MACF1: variants seen among roughly 807,000 people sequenced by gnomAD.
MACF1 encodes the protein microtubule actin crosslinking factor 1.
In MACF1, 193 loss-of-function variants were observed where a neutral mutation model predicts 854.8. The ratio of observed to expected loss-of-function variants is 0.23; its 90% CI spans 0.20 to 0.25. The LOEUF is 0.25. MACF1 is among the 10% of genes least tolerant of loss of function. The pLI, the probability that MACF1 is intolerant of heterozygous loss-of-function variation, is 1.00. For synonymous variants in MACF1, 3,185 were observed against 3,226.7 expected (o/e 0.99, Z 0.44); for missense variants, 7,722 against 8,929.1 (o/e 0.86, Z 5.45).
chr1:39,356,175 A>G (rs556917505), intron 44 of MACF1, among the ~76,000 whole-genome samples: 3 of 152,304 alleles, frequency 2.0e-5, no homozygotes, highest in Admixed American at 6.5e-5. Context: ...TCCTCAAAGA[A>G]CTCATATTCC....
At chr1:39,231,367 T>C in intron 2 of MACF1, 124 bp downstream of exon 2, 1 of 853,352 alleles carries the variant, frequency 1.2e-6, no homozygotes, top group Non-Finnish European at 1.9e-6. Flanking sequence ...GATACACATG[T>C]GACTTTTCTT....
chr1:39,451,507 A>G (rs1471776071), intron 85 of MACF1, among the ~76,000 whole-genome samples: 1 of 152,140 alleles, frequency 6.6e-6, no homozygotes, highest in Non-Finnish European at 1.5e-5. Context: ...ACGGAAACCC[A>G]TAAGATAGCC....
chr1:39,416,490 AAAG>A (rs1643314724), intron 58 of MACF1, among the ~76,000 whole-genome samples: 1 of 150,464 alleles, frequency 6.6e-6, no homozygotes, highest in Non-Finnish European at 1.5e-5. Flanking sequence ...GAGAAAATAA[AAAG>A]AAAAAAAAAA....
intron 2 of MACF1, chr1:39,103,096 C>T (rs1031740134): frequency 2.4e-5 from 14 of 586,680 alleles, no homozygotes; most frequent in Non-Finnish European, 4.1e-5. Flanking sequence ...GAGAAGCTCT[C>T]TAGCCACAAC....
chr1:39,477,115 A>AGT (rs1644917211), intron 97 of MACF1, among the ~76,000 whole-genome samples: 31 of 63,780 alleles, frequency 4.9e-4, no homozygotes, highest in African/African-American at 1.3e-3. Context: ...ATATACACTT[A>AGT]GTGTATATAT....
At chr1:39,344,765 T>C (rs1647009622) in intron 40 of MACF1, among the ~76,000 whole-genome samples, 2 of 152,214 alleles carry the variant, frequency 1.3e-5, no homozygotes, top group Non-Finnish European at 2.9e-5. Context: ...TCTGCCACTT[T>C]GCCTCTTAGT....
chr1:39,438,734 C>T (rs1338750858), intron 71 of MACF1, among the ~76,000 whole-genome samples: 8 of 151,794 alleles, frequency 5.3e-5, no homozygotes, highest in African/African-American at 1.9e-4. Context: ...GCCAAGATCA[C>T]ACCACTGCAC....
chr1:39,389,182 T>G (rs1641926633), intron 58 of MACF1, among the ~76,000 whole-genome samples: 1 of 151,810 alleles, frequency 6.6e-6, no homozygotes, highest in Non-Finnish European at 1.5e-5. Context: ...AGCCAGAGCA[T>G]TTTTCTATTG....
intron 2 of MACF1, among the ~76,000 whole-genome samples, chr1:39,191,489 G>A (rs748775481): frequency 6.6e-6 from 1 of 152,066 alleles, no homozygotes; most frequent in Admixed American, 6.5e-5. Flanking sequence ...TTCAATTAAT[G>A]TGCCAGTCAC....
At position 39,361,576 on chromosome 1, in the gene MACF1, C is replaced by G; in HGVS notation, c.12670C>G (p.Leu4224Val). 6.2e-7 allele frequency: 1 copy of G among 1,614,146 alleles called. No homozygotes were observed. The highest frequency in any genetic ancestry group is 8.5e-7 in the Non-Finnish European group (1 of 1,180,034). The change falls in exon 49 of 101, where the codon CTC (leucine) becomes GTC (valine). Residue 4224 changes from leucine (L) to valine (V), a missense_variant. Physicochemically the swap from Leu to Val is conservative, Grantham distance 32 (BLOSUM62 1). Coordinates refer to ENST00000564288, the MANE Select transcript of MACF1 (RefSeq NM_001394062.1). The stretch of plus-strand genomic sequence containing the variant: ...ACCCCAGGCAGAGATGTTTGAACAC[C>G]TCTCTGGTAAGCTGCAGCAGTTCAT... ...LLPQAEMFEHLSGKLQQFMEN... is the reference protein window; with the variant it reads ...LLPQAEMFEHVSGKLQQFMEN...
intron 18 of MACF1, 44 bp downstream of exon 18, chr1:39,293,663 C>A: frequency 6.4e-7 from 1 of 1,572,732 alleles, no homozygotes; most frequent in Non-Finnish European, 8.7e-7. Flanking sequence ...TATTTAACAG[C>A]AGCAGAAGGA....
intron 2 of MACF1, among the ~76,000 whole-genome samples, chr1:39,107,728 G>T (rs1025443786): frequency 2.0e-5 from 3 of 152,212 alleles, no homozygotes; most frequent in East Asian, 3.8e-4. Context: ...TGAGGATCAT[G>T]CCACGTATTG....
intron 15 of MACF1, among the ~76,000 whole-genome samples, chr1:39,287,924 A>T (rs1025709133): frequency 2.6e-5 from 4 of 152,174 alleles, no homozygotes; most frequent in Non-Finnish European, 4.4e-5. Flanking sequence ...CAGTTTTCTC[A>T]TTTGAAACCC....
chr1:39,427,314 A>G, intron 61 of MACF1, 141 bp from the exon 62 acceptor site: 1 of 624,526 alleles, frequency 1.6e-6, no homozygotes, highest in Non-Finnish European at 2.7e-6. Flanking sequence ...AAAACATCGA[A>G]ATGCTACATA....
chr1:39,144,948 C>G lies in MACF1; in HGVS notation c.220+60510C>G, dbSNP rs375511916. 2.8e-4 allele frequency among the ~76,000 whole-genome samples: 43 copies of G among 152,288 alleles called. 1 individual carries two copies. In the South Asian group the frequency reaches 8.7e-3, roughly 31 times the overall value. On this transcript the variant is annotated intron_variant, in intron 2 of 93. Transcript: ENST00000361689. ...ACATTAAACCTGTTCTCTGCTGTTT[C>G]CCAGTCTGTCAGCCCCTTTATGGTG... is the stretch of plus-strand genomic sequence containing the variant.
intron 40 of MACF1, among the ~76,000 whole-genome samples, chr1:39,342,252 G>A (rs956010999): frequency 2.0e-5 from 3 of 152,066 alleles, no homozygotes; most frequent in Non-Finnish European, 2.9e-5. Context: ...TGGCTGGATA[G>A]TATTCCATAA....
intron 80 of MACF1, 84 bp from the exon 81 acceptor site, chr1:39,447,348 A>G: frequency 7.8e-7 from 1 of 1,288,692 alleles, no homozygotes; most frequent in Non-Finnish European, 1.1e-6. Context: ...TTTGTTGTAC[A>G]ATTCATGCCT....
Position 39,379,407 on chromosome 1 carries a change from A to C in MACF1, c.13481A>C (p.Lys4494Thr). Residue 4494 changes from lysine (K) to threonine (T), a missense_variant, in exon 54 of 101, where the codon AAG becomes ACG. Lys to Thr is a moderately conservative substitution (Grantham distance 78). This residue lies in a region of MACF1 where 2,807 missense variants were observed against 3,235.8 expected (regional missense o/e 0.87). Coordinates refer to ENST00000564288, the MANE Select transcript of MACF1 (RefSeq NM_001394062.1). ...ATGGATGCCATGTCATCTCCAACCA[A>C]GACAGAAACAGTGAAAGCCCAAGCT... Reference protein sequence around the residue: ...KSMDAMSSPTKTETVKAQAES... With the variant: ...KSMDAMSSPTTTETVKAQAES... 1 of 1,614,090 alleles carries C rather than the reference A, an allele frequency of 6.2e-7. No individual in the cohort carries two copies. The highest frequency in any genetic ancestry group is 8.5e-7 in the Non-Finnish European group (1 of 1,179,994).
chr1:39,434,359 TAA>T (rs1643926617), intron 68 of MACF1, 53 bp from the exon 69 acceptor site: 3 of 1,058,652 alleles, frequency 2.8e-6, no homozygotes, highest in East Asian at 2.5e-5. Flanking sequence ...CTTTTTTTCT[TAA>T]GAGTTTATAA....
Sources: gnomAD v4.1 joint callset for allele counts (sites outside exome capture counted in the v4.1 genomes callset) on GRCh38, gnomAD v4.1.1 for gene constraint, gnomAD v4.1.1 regional missense constraint, MANE v1.5 for transcripts, NCBI Gene and HGNC (gene_info 2026-07-23, HGNC 2026-07-21) for gene names.